The following OSBPL2 variants were observed in gnomAD, a reference collection of about 807,000 sequenced individuals.
OSBPL2 encodes the protein oxysterol-binding protein-related protein 2.
Under a neutral mutation model 58.4 loss-of-function variants are expected in OSBPL2, and 18 were observed. That is an observed-to-expected ratio of 0.31 (90% CI 0.21 to 0.46). The LOEUF is 0.46. Ranked by LOEUF, OSBPL2 falls within the 20% of genes least tolerant of loss-of-function variation. OSBPL2 has a pLI of 1.00. For synonymous variants in OSBPL2, 221 were observed against 234.1 expected (o/e 0.94, Z 0.51); for missense variants, 461 against 616.5 (o/e 0.75, Z 2.67).
At chr20:62,256,347 TC>T in intron 2 of OSBPL2, 126 bp downstream of exon 2, 2 of 766,640 alleles carry the variant, frequency 2.6e-6, no homozygotes, top group Non-Finnish European at 2.1e-6. Flanking sequence ...GCGTTCACGA[TC>T]CCAAACACGG....
intron 1 of OSBPL2, among the ~76,000 whole-genome samples, chr20:62,249,987 C>T (rs1232374482): frequency 6.6e-6 from 1 of 152,258 alleles, no homozygotes; most frequent in Non-Finnish European, 1.5e-5. Flanking sequence ...CTTCCCAGCA[C>T]ACCCTGGTCC....
rs765815618 is a variant in OSBPL2 at position 62,286,625 on chromosome 20, G to A, written c.1039G>A (p.Val347Met). ...GKADSDVADDVPVAQETVQVI... is the reference protein window; with the variant it reads ...GKADSDVADDMPVAQETVQVI... ...GGCTGACAGCGACGTGGCTGACGAC[G>A]TGCCTGTGGCCCAGGAGACCGTGCA... The change falls in exon 11 of 14, where the codon GTG (valine) becomes ATG (methionine). Residue 347 changes from valine (V) to methionine (M), a missense_variant. Val to Met is a conservative substitution (Grantham distance 21). Around this residue, in one of 5 missense-constraint regions of OSBPL2, gnomAD observed 319 missense variants for 419.2 expected, o/e 0.76. Transcript: ENST00000313733. 3 of 1,613,730 alleles carry A rather than the reference G, an allele frequency of 1.9e-6. No individual in the cohort carries two copies. Among genetic ancestry groups the A allele is most frequent in the East Asian group, 2.2e-5 (1 of 44,882 alleles).
At chr20:62,244,506 G>A (rs1203473098) in intron 1 of OSBPL2, among the ~76,000 whole-genome samples, 1 of 152,232 alleles carries the variant, frequency 6.6e-6, no homozygotes, top group African/African-American at 2.4e-5. Context: ...ACCCAGTCTC[G>A]TGGGCCGCAT....
chr20:62,262,887 C>T (rs1234114924), intron 3 of OSBPL2, among the ~76,000 whole-genome samples: 2 of 152,180 alleles, frequency 1.3e-5, no homozygotes, highest in East Asian at 3.9e-4. Flanking sequence ...GGCCCCTACT[C>T]TGCAGCACCT....
chr20:62,291,100 C>G (rs1015300968), intron 12 of OSBPL2: 1 of 164,462 alleles, frequency 6.1e-6, no homozygotes, highest in African/African-American at 2.4e-5. Flanking sequence ...TGGGTTCAAG[C>G]GATCCGCCTG....
intron 4 of OSBPL2, among the ~76,000 whole-genome samples, chr20:62,266,617 A>G (rs1359790471): frequency 6.6e-6 from 1 of 151,518 alleles, no homozygotes; most frequent in Non-Finnish European, 1.5e-5. Context: ...GCTGTGGCTC[A>G]TTCTGGATCT....
At position 62,277,180 on chromosome 20, in the gene OSBPL2, G is replaced by A. The variant is rs182658571; in HGVS notation, c.492-1977G>A. 1.2e-3 allele frequency among the ~76,000 whole-genome samples: 185 copies of A among 152,318 alleles called. 1 individual carries two copies. Among genetic ancestry groups the A allele is most frequent in the African/African-American group, 4.1e-3 (170 of 41,570 alleles). On this transcript the variant is annotated intron_variant, in intron 6 of 13. Coordinates refer to ENST00000313733, the MANE Select transcript of OSBPL2 (RefSeq NM_144498.4). Reference sequence around the variant, plus strand: ...GCTGGAGAATCACTTGAACCTGGAGGCGGAGGTTGCAGTGAGCCGAGATCA... The same window carrying A: ...GCTGGAGAATCACTTGAACCTGGAGACGGAGGTTGCAGTGAGCCGAGATCA...
At chr20:62,285,888 C>T (rs4925368) in intron 10 of OSBPL2, 66,704 of 152,422 alleles carry the variant, frequency 0.44, 14,580 homozygotes, top group Middle Eastern at 0.47. Context: ...TGTCGTCACC[C>T]GAAGGGAAAC....
At chr20:62,287,746 C>T (rs1049124821) in intron 11 of OSBPL2, among the ~76,000 whole-genome samples, 1 of 152,244 alleles carries the variant, frequency 6.6e-6, no homozygotes, top group African/African-American at 2.4e-5. Context: ...GCATGAGACA[C>T]TGTGGCCTGC....
rs768714161 is a variant in OSBPL2 at position 62,260,014 on chromosome 20, C to T, written c.71C>T (p.Ser24Leu). Residue 24 changes from serine to leucine, a missense_variant, in exon 3 of 14, where the codon TCA becomes TTA. Physicochemically the swap from Ser to Leu is moderately radical, Grantham distance 145. Transcript: ENST00000313733. ...TCTGATAACTCTTCTGGGGAATTTT[C>T]AGAGGCAAATCAGAAAGTCACGGGA... ...FDSDNSSGEF[S>L]EANQKVTGMI... The T allele has an allele frequency of 5.0e-6, 8 of 1,613,978 alleles. No homozygotes were observed. Among genetic ancestry groups the T allele is most frequent in the Non-Finnish European group, 6.8e-6 (8 of 1,179,922 alleles).
intron 6 of OSBPL2, 140 bp downstream of exon 6, chr20:62,273,546 A>G (rs1459445837): frequency 1.4e-6 from 1 of 712,396 alleles, no homozygotes; most frequent in African/African-American, 1.8e-5. Flanking sequence ...AAGCGTTTGG[A>G]TGCTGTAGGC....
intron 1 of OSBPL2, among the ~76,000 whole-genome samples, chr20:62,254,970 C>T (rs1236669775): frequency 6.6e-6 from 1 of 152,212 alleles, no homozygotes; most frequent in Non-Finnish European, 1.5e-5. Flanking sequence ...TTTACTTATA[C>T]AGCCACTTGT....
In OSBPL2 at chr20:62,288,760, A is replaced by G. The variant is rs978274038; in HGVS notation, c.1126-447A>G. 6.6e-6 allele frequency among the ~76,000 whole-genome samples: 1 copy of G among 152,118 alleles called. No individual in the cohort carries two copies. The highest frequency in any genetic ancestry group is 1.5e-5 in the Non-Finnish European group (1 of 68,002). ...CATACCCTAAGCATTCCAGTTGTTA[A>G]TGTGACAAATTAACTTGCTCCAGGG... On this transcript the variant is annotated intron_variant, in intron 11 of 13. Coordinates refer to ENST00000313733, the MANE Select transcript of OSBPL2 (RefSeq NM_144498.4). The surrounding 1 kb of genome is among the most constrained non-coding windows in gnomAD (Gnocchi z 4.8).
Position 62,284,185 on chromosome 20 carries a change from TC to T in OSBPL2, c.996+20del, listed in dbSNP as rs779545456. 5.1e-5 allele frequency: 83 copies of T among 1,613,106 alleles called. No homozygotes were observed. The highest frequency in any genetic ancestry group is 6.4e-5 in the Non-Finnish European group (75 of 1,179,758). On this transcript the variant is annotated intron_variant, in intron 10 of 13. Coordinates refer to ENST00000313733, the MANE Select transcript of OSBPL2 (RefSeq NM_144498.4). Reference sequence around the variant, plus strand: ...GGCCAAGCTGGTAAGGGCTGGGGCGTCCCCGGGCAGAGCTGAGCCCTGGGTG... The same window carrying T: ...GGCCAAGCTGGTAAGGGCTGGGGCGTCCCGGGCAGAGCTGAGCCCTGGGTG...
intron 12 of OSBPL2, chr20:62,291,486 T>G (rs113049905): frequency 1.9e-5 from 11 of 583,974 alleles, no homozygotes; most frequent in Non-Finnish European, 3.4e-5. Context: ...GCAGCCCCCA[T>G]GCTCTACTCA....
intron 9 of OSBPL2, among the ~76,000 whole-genome samples, chr20:62,283,127 T>C (rs559431068): frequency 6.6e-6 from 1 of 152,304 alleles, no homozygotes; most frequent in East Asian, 1.9e-4. Context: ...AGTGAGTGCA[T>C]GTAAAACATG....
intron 7 of OSBPL2, chr20:62,279,613 A>C (rs1029617258): frequency 1.8e-5 from 9 of 498,252 alleles, no homozygotes; most frequent in Admixed American, 1.1e-4. Flanking sequence ...GTGCATCCTC[A>C]CGTCTGCAGT....
intron 6 of OSBPL2, 41 bp from the exon 7 acceptor site, chr20:62,279,116 G>C (rs759643183): frequency 6.5e-7 from 1 of 1,536,130 alleles, no homozygotes; most frequent in Non-Finnish European, 8.9e-7. Flanking sequence ...CTTTTATTTT[G>C]CTGCCATTAA....
intron 4 of OSBPL2, among the ~76,000 whole-genome samples, chr20:62,264,889 C>T (rs1981567655): frequency 6.6e-6 from 1 of 152,162 alleles, no homozygotes; most frequent in Non-Finnish European, 1.5e-5. Context: ...TTGGGTTTGT[C>T]TGATGTTTTC....
Sources: gnomAD v4.1 joint callset for allele counts (sites outside exome capture counted in the v4.1 genomes callset) on GRCh38, gnomAD v4.1.1 for gene constraint, gnomAD v4.1.1 regional missense constraint, Gnocchi (gnomAD v3.1) non-coding constraint, MANE v1.5 for transcripts, NCBI Gene and HGNC (gene_info 2026-07-23, HGNC 2026-07-21) for gene names.